The following VPS13B variants were observed in gnomAD, a reference collection of about 807,000 sequenced individuals.
VPS13B encodes intermembrane lipid transfer protein VPS13B.
In VPS13B, 285 loss-of-function variants were observed where a neutral mutation model predicts 426.4. The ratio of observed to expected loss-of-function variants is 0.67; its 90% CI spans 0.61 to 0.74. The LOEUF (loss-of-function observed/expected upper bound fraction) is 0.74, where lower values mean the gene tolerates loss of function less well. Ranked by LOEUF, VPS13B falls within the 30% of genes least tolerant of loss-of-function variation. VPS13B has a pLI of 0.00. For synonymous variants in VPS13B, 1,676 were observed against 1,676.4 expected, an observed-to-expected ratio of 1.00 and a Z score of 0.01; for missense variants, 4,537 against 4,782.6, an observed-to-expected ratio of 0.95 and a Z score of 1.51.
chr8:99,818,564 T>C, intron 46 of VPS13B, 30 bp downstream of exon 46: 1 of 1,610,806 alleles, frequency 6.2e-7, no homozygotes, highest in Non-Finnish European at 8.5e-7. Flanking sequence ...TAAAATATGG[T>C]ATATGACTCT....
intron 33 of VPS13B, among the ~76,000 whole-genome samples, chr8:99,606,752 C>T (rs190703490): frequency 1.5e-4 from 23 of 151,796 alleles, no homozygotes; most frequent in Admixed American, 1.2e-3. Flanking sequence ...CCTCATCCTC[C>T]GAAGTAGTGG....
At chr8:99,446,128 T>G (rs565994920) in intron 23 of VPS13B, among the ~76,000 whole-genome samples, 6 of 152,344 alleles carry the variant, frequency 3.9e-5, no homozygotes, top group African/African-American at 1.4e-4. Context: ...TTTCACAGCT[T>G]AGCCCTTCCT....
chr8:99,114,639 T>C lies in VPS13B; in HGVS notation c.763-1061T>C, dbSNP rs967900652. On this transcript the variant is annotated intron_variant, in intron 6 of 61. Transcript: ENST00000357162. ...CATTCCCCGCTTTCTTACCTCTTCA[T>C]TGTTTATTCAGTGTATGATTATTAG... Among the ~76,000 whole-genome samples, 4 of 152,242 alleles carry C rather than the reference T, an allele frequency of 2.6e-5. No individual in the cohort carries two copies. In the East Asian group the frequency reaches 7.7e-4, roughly 29 times the overall value.
At chr8:99,073,634 A>G (rs1014031472) in intron 3 of VPS13B, among the ~76,000 whole-genome samples, 1 of 147,580 alleles carries the variant, frequency 6.8e-6, no homozygotes, top group Admixed American at 6.7e-5. Flanking sequence ...TTTTCTGTAT[A>G]TAAGATCATG....
chr8:99,767,700 G>A (rs538215406), intron 40 of VPS13B, among the ~76,000 whole-genome samples: 27 of 152,228 alleles, frequency 1.8e-4, no homozygotes, highest in African/African-American at 5.5e-4. Flanking sequence ...AGGCTAAGGC[G>A]GGTAGACTGC....
intron 14 of VPS13B, among the ~76,000 whole-genome samples, chr8:99,148,221 T>C (rs1388969652): frequency 6.6e-6 from 1 of 151,820 alleles, no homozygotes; most frequent in African/African-American, 2.4e-5. Flanking sequence ...AAAAAAAATT[T>C]GGCACGGTGG....
chr8:99,258,568 C>G (rs895576418), intron 17 of VPS13B, among the ~76,000 whole-genome samples: 1 of 151,944 alleles, frequency 6.6e-6, no homozygotes, highest in Non-Finnish European at 1.5e-5. Context: ...TTTATCTCAG[C>G]TTTTATCACT....
chr8:99,377,305 A>C (rs555658429), intron 19 of VPS13B, among the ~76,000 whole-genome samples: 12 of 152,296 alleles, frequency 7.9e-5, no homozygotes, highest in African/African-American at 2.9e-4. Flanking sequence ...TCTCGAGCCC[A>C]ATAAGACATA....
intron 25 of VPS13B, among the ~76,000 whole-genome samples, chr8:99,484,839 T>G (rs2133563861): frequency 6.9e-6 from 1 of 145,792 alleles, no homozygotes; most frequent in South Asian, 2.2e-4. Flanking sequence ...AGTGAGACTG[T>G]GTCCTGTCTC....
At chr8:99,264,216 T>C (rs1278500647) in intron 17 of VPS13B, among the ~76,000 whole-genome samples, 1 of 152,012 alleles carries the variant, frequency 6.6e-6, no homozygotes, top group East Asian at 1.9e-4. Flanking sequence ...GAGTCTTTTT[T>C]TTTTTAATGC....
intron 35 of VPS13B, chr8:99,696,302 T>G: frequency 4.2e-6 from 1 of 236,224 alleles, no homozygotes; most frequent in Non-Finnish European, 8.6e-6. Context: ...CCCACAGAGG[T>G]GGTGGTGAAT....
intron 39 of VPS13B, among the ~76,000 whole-genome samples, chr8:99,761,147 A>G (rs2130592013): frequency 6.6e-6 from 1 of 152,338 alleles, no homozygotes; most frequent in South Asian, 2.1e-4. Flanking sequence ...GAATTTATTA[A>G]TATGCCTTTG....
chr8:99,111,422 G>A (rs1291577310), intron 6 of VPS13B, 143 bp downstream of exon 6: 2 of 627,388 alleles, frequency 3.2e-6, no homozygotes, highest in South Asian at 3.0e-5. Flanking sequence ...TTTTATTTAT[G>A]TTTATGATTT....
chr8:99,595,922 A>G (rs995596290), intron 33 of VPS13B, among the ~76,000 whole-genome samples: 2 of 152,012 alleles, frequency 1.3e-5, no homozygotes, highest in Admixed American at 1.3e-4. Flanking sequence ...TCTCAGTATT[A>G]TGAACCATCT....
At position 99,507,949 on chromosome 8, in the gene VPS13B, T is replaced by C. The variant is rs201745488; in HGVS notation, c.4224+746T>C. 1.5e-5 allele frequency: 24 copies of C among 1,613,756 alleles called. No homozygotes were observed. The East Asian group carries it at 5.1e-4, about 34-fold the overall frequency. On this transcript the variant is annotated intron_variant, in intron 28 of 61. Coordinates refer to ENST00000357162, the MANE Select transcript of VPS13B (RefSeq NM_152564.5). ...TTTAAATTATGCTACACAACTCCCA[T>C]TAACAGGAACCCAGAGAAGGAATTG...
intron 17 of VPS13B, among the ~76,000 whole-genome samples, chr8:99,226,812 C>T (rs939442412): frequency 5.3e-5 from 8 of 152,074 alleles, no homozygotes; most frequent in African/African-American, 1.9e-4. Flanking sequence ...TTGTTGCATG[C>T]GTAAAATGGG....
chr8:99,226,514 G>A (rs1400430854), intron 17 of VPS13B, among the ~76,000 whole-genome samples: 1 of 152,048 alleles, frequency 6.6e-6, no homozygotes, highest in Non-Finnish European at 1.5e-5. Context: ...TTGTTTCTTA[G>A]ATACAGCATT....
intron 51 of VPS13B, 124 bp downstream of exon 51, chr8:99,824,102 T>C (rs1486818194): frequency 8.2e-7 from 1 of 1,216,736 alleles, no homozygotes; most frequent in African/African-American, 1.5e-5. Flanking sequence ...AGAAATTCAC[T>C]TATTTTTGTT....
intron 30 of VPS13B, among the ~76,000 whole-genome samples, chr8:99,532,789 G>A (rs983431569): frequency 2.0e-5 from 3 of 148,076 alleles, no homozygotes; most frequent in African/African-American, 5.0e-5. Context: ...TTATGCTAAC[G>A]GCTCAATTTT....
Sources: allele counts gnomAD v4.1 joint callset (sites outside exome capture counted in the v4.1 genomes callset), GRCh38; gene constraint gnomAD v4.1.1; transcripts MANE v1.5; gene names NCBI Gene and HGNC (gene_info 2026-07-23, HGNC 2026-07-21).